BRINP1: variants seen among roughly 807,000 people sequenced by gnomAD.
BRINP1 encodes the protein BMP/retinoic acid-inducible neural-specific protein 1.
BRINP1 carries 17 observed loss-of-function variants against 72.9 expected under a neutral mutation model. The ratio of observed to expected loss-of-function variants is 0.23; its 90% CI spans 0.16 to 0.35. The LOEUF is 0.35. Ranked by LOEUF, BRINP1 falls within the 10% of genes least tolerant of loss-of-function variation. The pLI, the probability that BRINP1 is intolerant of heterozygous loss-of-function variation, is 1.00. For synonymous variants in BRINP1, 418 were observed against 378.5 expected (o/e 1.10, Z -1.21); for missense variants, 850 against 1,001.6 (o/e 0.85, Z 2.04).
chr9:119,270,828 T>A (rs1830598720), intron 2 of BRINP1, among the ~76,000 whole-genome samples: 1 of 152,164 alleles, frequency 6.6e-6, no homozygotes, highest in Non-Finnish European at 1.5e-5. Context: ...TCCAAAAAGA[T>A]TTATTCATCC....
chr9:119,207,949 G>T (rs1386172862), intron 7 of BRINP1, among the ~76,000 whole-genome samples: 1 of 152,128 alleles, frequency 6.6e-6, no homozygotes, highest in Non-Finnish European at 1.5e-5. Context: ...CACCTCTACA[G>T]TAGGAACTAC....
intron 1 of BRINP1, among the ~76,000 whole-genome samples, chr9:119,334,050 C>T (rs1334558277): frequency 6.6e-6 from 1 of 152,188 alleles, no homozygotes; most frequent in Admixed American, 6.5e-5. Context: ...AGAGGCAGCT[C>T]TAAATGCAGT....
chr9:119,335,536 A>G (rs945198819), intron 1 of BRINP1, among the ~76,000 whole-genome samples: 1 of 152,174 alleles, frequency 6.6e-6, no homozygotes, highest in African/African-American at 2.4e-5. Context: ...TTCAAAAGGT[A>G]CTTAATGAAC....
chr9:119,261,224 A>T (rs1830491761), intron 2 of BRINP1, among the ~76,000 whole-genome samples: 1 of 152,152 alleles, frequency 6.6e-6, no homozygotes, highest in South Asian at 2.1e-4. Context: ...GGAAAGCGTT[A>T]TTGTTGTCCA....
intron 7 of BRINP1, among the ~76,000 whole-genome samples, chr9:119,169,638 G>C (rs1829375758): frequency 6.6e-6 from 1 of 152,232 alleles, no homozygotes; most frequent in African/African-American, 2.4e-5. Flanking sequence ...CACAGCTCAA[G>C]GAGGCCTGCC....
intron 1 of BRINP1, among the ~76,000 whole-genome samples, chr9:119,360,745 C>T (rs1313511592): frequency 6.6e-6 from 1 of 152,158 alleles, no homozygotes; most frequent in Non-Finnish European, 1.5e-5. Flanking sequence ...CAGAGGTTCC[C>T]AATGGCTCAT....
chr9:119,190,164 A>C (rs1276554565), intron 7 of BRINP1, among the ~76,000 whole-genome samples: 1 of 151,982 alleles, frequency 6.6e-6, no homozygotes, highest in Non-Finnish European at 1.5e-5. Context: ...TATAGGATGC[A>C]TCAAAAGAAG....
chr9:119,197,516 T>G (rs1165652461), intron 7 of BRINP1, among the ~76,000 whole-genome samples: 1 of 152,184 alleles, frequency 6.6e-6, no homozygotes, highest in Non-Finnish European at 1.5e-5. Flanking sequence ...CTATAATAGG[T>G]GACCTTGAGC....
At chr9:119,292,590 A>G (rs1017489979) in intron 2 of BRINP1, among the ~76,000 whole-genome samples, 2 of 152,218 alleles carry the variant, frequency 1.3e-5, no homozygotes, top group African/African-American at 2.4e-5. Context: ...CTATCGCTTA[A>G]TTAGGTTCAG....
At chr9:119,261,107 G>A (rs1588181538) in intron 2 of BRINP1, among the ~76,000 whole-genome samples, 1 of 152,166 alleles carries the variant, frequency 6.6e-6, no homozygotes, top group African/African-American at 2.4e-5. Flanking sequence ...GGAACAAGCT[G>A]CTCTGGGAAG....
chr9:119,367,470 C>T (rs1042736292), intron 1 of BRINP1, among the ~76,000 whole-genome samples: 1 of 151,878 alleles, frequency 6.6e-6, no homozygotes, highest in African/African-American at 2.4e-5. Context: ...AGCAGTAAAA[C>T]TCAGCATTTT....
At position 119,243,935 on chromosome 9, in the gene BRINP1, T is replaced by G. The variant is rs371591933; in HGVS notation, c.410-1719A>C. Reference sequence around the variant, plus strand: ...AGAAAGAGTGGGCACCTGCATCCTGTAGATAATGTGGACCACAAGGCCTGG... The same window carrying G: ...AGAAAGAGTGGGCACCTGCATCCTGGAGATAATGTGGACCACAAGGCCTGG... On this transcript the variant is annotated intron_variant, in intron 3 of 7. Transcript: ENST00000265922. Among the ~76,000 whole-genome samples, 12 of 152,262 alleles carry G rather than the reference T, an allele frequency of 7.9e-5. No homozygotes were observed. In the East Asian group the frequency reaches 1.9e-3, roughly 25 times the overall value.
intron 5 of BRINP1, among the ~76,000 whole-genome samples, chr9:119,225,804 A>G (rs1267680911): frequency 6.6e-6 from 1 of 151,986 alleles, no homozygotes; most frequent in Non-Finnish European, 1.5e-5. Flanking sequence ...TAGTAAGGAT[A>G]TTTGCACAAC....
At chr9:119,322,068 AT>A (rs1411278534) in intron 1 of BRINP1, among the ~76,000 whole-genome samples, 1 of 152,194 alleles carries the variant, frequency 6.6e-6, no homozygotes, top group Non-Finnish European at 1.5e-5. Context: ...TTAACAATAA[AT>A]ACACCGGAAA....
rs531644460 is a variant in BRINP1 at position 119,354,784 on chromosome 9, G to A, written c.-51+14272C>T. Among the ~76,000 whole-genome samples, 23 of 152,278 alleles carry A rather than the reference G, an allele frequency of 1.5e-4. No individual in the cohort carries two copies. The South Asian group carries it at 2.1e-3, about 14-fold the overall frequency. On this transcript the variant is annotated intron_variant, in intron 1 of 7. Transcript: ENST00000265922. ...CATAAGAGGCTGAAGCAGGAAGATT[G>A]CTTGAGCCCAGGAATCCAAGGCTAC...
intron 2 of BRINP1, among the ~76,000 whole-genome samples, chr9:119,288,559 G>A (rs1456225719): frequency 6.6e-6 from 1 of 152,040 alleles, no homozygotes; most frequent in African/African-American, 2.4e-5. Flanking sequence ...TCAATGAATT[G>A]ATAAACCACC....
At chr9:119,213,871 A>T in intron 6 of BRINP1, 48 bp downstream of exon 6, 1 of 1,513,628 alleles carries the variant, frequency 6.6e-7, no homozygotes, top group Non-Finnish European at 9.2e-7. Context: ...TCCCTTTCAG[A>T]CTTGGCTCAA....
At chr9:119,176,016 G>C (rs563107835) in intron 7 of BRINP1, among the ~76,000 whole-genome samples, 1 of 152,266 alleles carries the variant, frequency 6.6e-6, no homozygotes, top group Admixed American at 6.5e-5. Flanking sequence ...CCACCACACA[G>C]AGCTATGTGA....
intron 1 of BRINP1, among the ~76,000 whole-genome samples, chr9:119,357,080 C>T (rs1030770677): frequency 2.6e-5 from 4 of 152,146 alleles, no homozygotes; most frequent in Non-Finnish European, 4.4e-5. Context: ...ATAGAAGTCC[C>T]ACCCCAAGAT....
Sources: gnomAD v4.1 joint callset for allele counts (sites outside exome capture counted in the v4.1 genomes callset) on GRCh38, gnomAD v4.1.1 for gene constraint, MANE v1.5 for transcripts, NCBI Gene and HGNC (gene_info 2026-07-23, HGNC 2026-07-21) for gene names.